Variants in PPP3CC observed in about 807,000 individuals in gnomAD.
PPP3CC encodes the protein serine/threonine-protein phosphatase 2B catalytic subunit gamma isoform.
PPP3CC carries 35 observed loss-of-function variants against 60.3 expected under a neutral mutation model. The ratio of observed to expected loss-of-function variants is 0.58; its 90% confidence interval spans 0.44 to 0.77. The LOEUF (loss-of-function observed/expected upper bound fraction) is 0.77, where lower values mean the gene tolerates loss of function less well. PPP3CC is among the 30% of genes least tolerant of loss of function. The pLI is 0.00. For synonymous variants in PPP3CC, 206 were observed against 224.3 expected (o/e 0.92, Z 0.73); for missense variants, 570 against 628.9 (o/e 0.91, Z 1.00).
intron 8 of PPP3CC, among the ~76,000 whole-genome samples, chr8:22,526,382 C>A (rs1272375566): frequency 6.6e-6 from 1 of 152,146 alleles, no homozygotes; most frequent in Non-Finnish European, 1.5e-5. Flanking sequence ...TGATATATGA[C>A]ATATTTACCT....
chr8:22,535,951 G>C (rs2469751), intron 12 of PPP3CC, among the ~76,000 whole-genome samples: 76,148 of 152,024 alleles, frequency 0.5, 19,406 homozygotes, highest in East Asian at 0.61. Context: ...AGGCTGGTCT[G>C]GAACTCCTGA....
intron 3 of PPP3CC, chr8:22,492,879 C>A (rs1838449733): frequency 1.8e-6 from 2 of 1,091,016 alleles, no homozygotes; most frequent in South Asian, 1.2e-5. Flanking sequence ...CATTACAGGC[C>A]ATGCTGAGAC....
intron 4 of PPP3CC, among the ~76,000 whole-genome samples, chr8:22,510,330 A>G (rs1054271555): frequency 6.6e-6 from 1 of 152,200 alleles, no homozygotes; most frequent in East Asian, 1.9e-4. Flanking sequence ...ATGTTTTTAG[A>G]GAAAATAGAA....
intron 12 of PPP3CC, among the ~76,000 whole-genome samples, chr8:22,534,257 T>C (rs1839794231): frequency 6.8e-6 from 1 of 147,536 alleles, no homozygotes; most frequent in African/African-American, 2.5e-5. Flanking sequence ...CTAGAATGGC[T>C]AAAAATTAAA....
intron 1 of PPP3CC, among the ~76,000 whole-genome samples, chr8:22,466,422 A>C (rs1837523947): frequency 6.6e-6 from 1 of 152,348 alleles, no homozygotes; most frequent in East Asian, 1.9e-4. Context: ...ACTGTCTTCC[A>C]CAGTGGTTGA....
intron 4 of PPP3CC, among the ~76,000 whole-genome samples, chr8:22,501,970 T>C (rs1054943497): frequency 6.6e-6 from 1 of 152,172 alleles, no homozygotes; most frequent in Non-Finnish European, 1.5e-5. Context: ...GAGATTACAG[T>C]GGGCTATGAT....
chr8:22,512,014 A>G (rs1321139589), intron 5 of PPP3CC, among the ~76,000 whole-genome samples: 1 of 152,132 alleles, frequency 6.6e-6, no homozygotes, highest in Admixed American at 6.5e-5. Flanking sequence ...TTCCTTGGTG[A>G]TTATTATTTC....
intron 6 of PPP3CC, among the ~76,000 whole-genome samples, chr8:22,517,762 G>T (rs1184416469): frequency 4.6e-5 from 7 of 151,396 alleles, no homozygotes; most frequent in Non-Finnish European, 1.0e-4. Flanking sequence ...TCTTAGTCTT[G>T]CTAAGGGTTT....
At chr8:22,528,166 C>T (rs571652361) in intron 9 of PPP3CC, among the ~76,000 whole-genome samples, 8 of 152,236 alleles carry the variant, frequency 5.3e-5, no homozygotes, top group Non-Finnish European at 8.8e-5. Flanking sequence ...GCCTGTTGGA[C>T]GTAGGCCTGT....
intron 3 of PPP3CC, among the ~76,000 whole-genome samples, chr8:22,484,492 G>T (rs1427628961): frequency 6.6e-6 from 1 of 152,130 alleles, no homozygotes; most frequent in Non-Finnish European, 1.5e-5. Context: ...TGACAAAATG[G>T]AATAAGGCCA....
At chr8:22,507,871 C>G (rs1838971883) in intron 4 of PPP3CC, among the ~76,000 whole-genome samples, 2 of 152,190 alleles carry the variant, frequency 1.3e-5, no homozygotes, top group Admixed American at 1.3e-4. Flanking sequence ...AAGTTCCAGA[C>G]TCCATTCTCT....
At chr8:22,474,349 T>C (rs1039842123) in intron 1 of PPP3CC, among the ~76,000 whole-genome samples, 16 of 152,322 alleles carry the variant, frequency 1.1e-4, no homozygotes, top group African/African-American at 3.8e-4. Flanking sequence ...TCATGTCATC[T>C]AGTGTCTTGT....
intron 1 of PPP3CC, among the ~76,000 whole-genome samples, chr8:22,459,413 C>A (rs1216135319): frequency 2.6e-5 from 4 of 151,960 alleles, no homozygotes; most frequent in African/African-American, 4.8e-5. Context: ...AGAGTAGATT[C>A]ATGGTTCCCA....
intron 3 of PPP3CC, among the ~76,000 whole-genome samples, chr8:22,485,464 A>G (rs995079498): frequency 2.0e-5 from 3 of 152,190 alleles, no homozygotes; most frequent in Non-Finnish European, 2.9e-5. Context: ...ACACCATCCC[A>G]TCCAAATCCC....
chr8:22,527,376 C>T lies in PPP3CC; in HGVS notation c.944-16C>T, dbSNP rs1278544496. 3 of 1,612,958 alleles carry T rather than the reference C, an allele frequency of 1.9e-6. No homozygotes were observed. Among genetic ancestry groups the T allele is most frequent in the Non-Finnish European group, 2.5e-6 (3 of 1,179,168 alleles). ...TGTTCCTCTGTGCCAGATTTTCTTG[C>T]TTTTTTCCTTTTTAGCTGCTGTGTT... On this transcript the variant is annotated splice_polypyrimidine_tract_variant and intron_variant, in intron 8 of 13. Transcript: ENST00000240139.
intron 4 of PPP3CC, among the ~76,000 whole-genome samples, chr8:22,503,563 G>A (rs1390562359): frequency 1.3e-5 from 2 of 152,012 alleles, no homozygotes; most frequent in Non-Finnish European, 2.9e-5. Context: ...TATAGTAGGT[G>A]TATCTATTTA....
At chr8:22,497,717 T>C (rs1331758622) in intron 3 of PPP3CC, among the ~76,000 whole-genome samples, 1 of 152,166 alleles carries the variant, frequency 6.6e-6, no homozygotes, top group East Asian at 1.9e-4. Context: ...GTTAGTGTTT[T>C]GGAATTAAGT....
intron 6 of PPP3CC, among the ~76,000 whole-genome samples, chr8:22,521,505 C>A (rs1033525965): frequency 7.9e-5 from 12 of 152,126 alleles, no homozygotes; most frequent in Non-Finnish European, 1.6e-4. Flanking sequence ...TTGGGCTCCA[C>A]CAAGGTTTCA....
chr8:22,446,665 G>T (rs959044993), intron 1 of PPP3CC, among the ~76,000 whole-genome samples: 3 of 151,926 alleles, frequency 2.0e-5, no homozygotes, highest in Non-Finnish European at 4.4e-5. Context: ...AATTAACTAG[G>T]CATGGTGGTG....
Sources: gnomAD v4.1 joint callset for allele counts (sites outside exome capture counted in the v4.1 genomes callset) on GRCh38, gnomAD v4.1.1 for gene constraint, MANE v1.5 for transcripts, NCBI Gene and HGNC (gene_info 2026-07-23, HGNC 2026-07-21) for gene names.